PLPP7: variants seen among roughly 807,000 people sequenced by gnomAD.
PLPP7 encodes inactive phospholipid phosphatase 7.
PLPP7 carries 11 observed loss-of-function variants against 16.9 expected under a neutral mutation model. The observed-to-expected ratio is 0.65, with a 90% CI of 0.41 to 1.08. PLPP7 has a LOEUF of 1.08. Ranked by LOEUF, PLPP7 falls within the 50% of genes least tolerant of loss-of-function variation. The pLI, the probability that PLPP7 is intolerant of heterozygous loss-of-function variation, is 0.00. For missense variants in PLPP7, 358 were observed against 397.1 expected (o/e 0.90, Z 0.84); for synonymous variants, 174 against 175.1 (o/e 0.99, Z 0.05).
In PLPP7 at chr9:131,295,915, T is replaced by A. The variant is rs983736005; in HGVS notation, c.451+5467T>A. 2.0e-5 allele frequency among the ~76,000 whole-genome samples: 3 copies of A among 152,236 alleles called. No homozygotes were observed. Among genetic ancestry groups the A allele is most frequent in the African/African-American group, 7.2e-5 (3 of 41,460 alleles). ...TATCCATTCGTGCACCCATGGACACTTCGGTTGCTTCCACATTTTAGCTGT... is the reference window on the plus strand; with the variant it reads ...TATCCATTCGTGCACCCATGGACACATCGGTTGCTTCCACATTTTAGCTGT... On this transcript the variant is annotated intron_variant, in intron 1 of 1. Coordinates refer to ENST00000372264, the MANE Select transcript of PLPP7 (RefSeq NM_032728.4). This position sits in a 1 kb window ranked among gnomAD's most constrained non-coding sequence, Gnocchi z 4.0.
At chr9:131,291,956 G>C (rs190484633) in intron 1 of PLPP7, among the ~76,000 whole-genome samples, 1 of 152,218 alleles carries the variant, frequency 6.6e-6, no homozygotes, top group Non-Finnish European at 1.5e-5. Context: ...ACAGTCTCAC[G>C]AGGTTGGTGC....
intron 1 of PLPP7, among the ~76,000 whole-genome samples, chr9:131,306,793 G>A (rs2131221512): frequency 6.6e-6 from 1 of 152,276 alleles, no homozygotes; most frequent in South Asian, 2.1e-4. Context: ...GGGAGTGGCT[G>A]CTTCGTGGGT....
intron 1 of PLPP7, among the ~76,000 whole-genome samples, chr9:131,293,858 G>C (rs1664593491): frequency 6.6e-6 from 1 of 152,104 alleles, no homozygotes; most frequent in African/African-American, 2.4e-5. Flanking sequence ...AAGGGGGAGG[G>C]AGCCCTACCT....
chr9:131,308,487 G>A lies in PLPP7; in HGVS notation c.*200G>A. On this transcript the variant is annotated 3_prime_UTR_variant, in exon 2 of 2. Coordinates refer to ENST00000372264, the MANE Select transcript of PLPP7 (RefSeq NM_032728.4). ...AGACAAGCGTGTTTGGCAGTGCCAGGCCTCTTGCCCCTTTGCTTGGACTCC... is the reference window on the plus strand; with the variant it reads ...AGACAAGCGTGTTTGGCAGTGCCAGACCTCTTGCCCCTTTGCTTGGACTCC... The A allele has an allele frequency of 1.1e-6, 1 of 877,658 alleles. No individual in the cohort carries two copies. 54.4% of individuals were successfully genotyped at this position (877,658 alleles called of 1,614,324 possible).
In PLPP7 at chr9:131,289,880, G is replaced by A. The variant is rs950511739; in HGVS notation, c.-118G>A. Reference sequence around the variant, plus strand: ...ACTCTCCACACTATATTTAACAGCTGCGGCGGAGAAGGCAGGGAGGCAGCC... The same window carrying A: ...ACTCTCCACACTATATTTAACAGCTACGGCGGAGAAGGCAGGGAGGCAGCC... On this transcript the variant is annotated 5_prime_UTR_variant, in exon 1 of 2. Transcript: ENST00000372264. 2.1e-5 allele frequency: 16 copies of A among 760,562 alleles called. No individual in the cohort carries two copies. Among genetic ancestry groups the A allele is most frequent in the Admixed American group, 3.9e-5 (1 of 25,476 alleles). 47.1% of individuals were successfully genotyped at this position (760,562 alleles called of 1,614,324 possible). A position where few individuals can be genotyped will look rare whatever the true frequency, so the allele number is the denominator to read the frequency against.
Position 131,308,328 on chromosome 9 carries a change from G to T in PLPP7, c.*41G>T, listed in dbSNP as rs1564250077. 6.5e-7 allele frequency: 1 copy of T among 1,541,128 alleles called. No individual in the cohort carries two copies. The highest frequency in any genetic ancestry group is 8.7e-7 in the Non-Finnish European group (1 of 1,149,046). Reference sequence around the variant, plus strand: ...ACACAAGCCTCTGGGGGCAGGGCTGGCCCTAGAGAAGGGGCAGGGGGTGGC... The same window carrying T: ...ACACAAGCCTCTGGGGGCAGGGCTGTCCCTAGAGAAGGGGCAGGGGGTGGC... On this transcript the variant is annotated 3_prime_UTR_variant, in exon 2 of 2. Coordinates refer to ENST00000372264, the MANE Select transcript of PLPP7 (RefSeq NM_032728.4).
chr9:131,300,990 A>G (rs996107018), intron 1 of PLPP7, among the ~76,000 whole-genome samples: 1 of 151,948 alleles, frequency 6.6e-6, no homozygotes, highest in African/African-American at 2.4e-5. Context: ...TTATTTTGAG[A>G]CAGAGTCCCG....
In PLPP7 at chr9:131,308,510, T is replaced by C; in HGVS notation, c.*223T>C. The C allele has an allele frequency of 1.4e-6, 1 of 731,094 alleles. No homozygotes were observed. The highest frequency in any genetic ancestry group is 2.2e-6 in the Non-Finnish European group (1 of 462,646). 45.3% of individuals were successfully genotyped at this position (731,094 alleles called of 1,614,324 possible). A position where few individuals can be genotyped will look rare whatever the true frequency, so the allele number is the denominator to read the frequency against. On this transcript the variant is annotated 3_prime_UTR_variant, in exon 2 of 2. Transcript: ENST00000372264. Reference sequence around the variant, plus strand: ...AGGCCTCTTGCCCCTTTGCTTGGACTCCAAGTCTCCTCTCTAGGCAGCCAG... The same window carrying C: ...AGGCCTCTTGCCCCTTTGCTTGGACCCCAAGTCTCCTCTCTAGGCAGCCAG...
chr9:131,303,488 C>CT (rs5900928), intron 1 of PLPP7, among the ~76,000 whole-genome samples: 96,247 of 143,888 alleles, frequency 0.67, 32,406 homozygotes, highest in Middle Eastern at 0.78. Context: ...TCTTCTGTGT[C>CT]TTTTTTTTTT....
At chr9:131,304,676 C>T (rs1274483153) in intron 1 of PLPP7, among the ~76,000 whole-genome samples, 7 of 152,272 alleles carry the variant, frequency 4.6e-5, no homozygotes, top group Admixed American at 3.3e-4. Flanking sequence ...GAGCCCACCT[C>T]GCTGGTTATG....
chr9:131,301,920 G>GA lies in PLPP7; in HGVS notation c.452-6002dup, dbSNP rs1835802752. On this transcript the variant is annotated intron_variant, in intron 1 of 1. Coordinates refer to ENST00000372264, the MANE Select transcript of PLPP7 (RefSeq NM_032728.4). ...CAACCTCCGCCTCCCGGGTTCAAGT[G>GA]ATTCTCCTGCCTCAGCCTCCCAAGT... Among the ~76,000 whole-genome samples, 3 of 150,190 alleles carry GA rather than the reference G, an allele frequency of 2.0e-5. No homozygotes were observed. In the South Asian group the frequency reaches 6.3e-4, roughly 31 times the overall value.
Position 131,290,299 on chromosome 9 carries a change from G to A in PLPP7, c.302G>A (p.Gly101Asp). 6.2e-7 allele frequency: 1 copy of A among 1,612,012 alleles called. No homozygotes were observed. Among genetic ancestry groups the A allele is most frequent in the Non-Finnish European group, 8.5e-7 (1 of 1,179,182 alleles). The change falls in exon 1 of 2, where the codon GGC becomes GAC. Residue 101 changes from glycine (G) to aspartate (D), a missense_variant. Coordinates refer to ENST00000372264, the MANE Select transcript of PLPP7 (RefSeq NM_032728.4). The surrounding 1 kb of genome is among the most constrained non-coding windows in gnomAD (Gnocchi z 4.2). Reference protein sequence around the residue: ...CMSKRLGVCAGRAASWASARS... With the variant: ...CMSKRLGVCADRAASWASARS... ...TCCAAGCGGCTGGGGGTGTGCGCTG[G>A]CCGGGCGGCGTCCTGGGCCAGTGCC...
chr9:131,307,931 C>A lies in PLPP7; in HGVS notation c.460C>A (p.Leu154Met). 1 of 1,587,546 alleles carries A rather than the reference C, an allele frequency of 6.3e-7. No homozygotes were observed. The highest frequency in any genetic ancestry group is 8.5e-7 in the Non-Finnish European group (1 of 1,172,208). ...VLMNLLLALL[L>M]DIMTVAGVQK... The stretch of plus-strand genomic sequence containing the variant: ...CTGTCTCCCCCCAACAGCCCTGCTC[C>A]TGGACATCATGACGGTGGCCGGCGT... Residue 154 changes from leucine to methionine, a missense_variant, in exon 2 of 2, where the codon CTG becomes ATG. Physicochemically the swap from Leu to Met is conservative, Grantham distance 15 (BLOSUM62 2). Transcript: ENST00000372264.
intron 1 of PLPP7, among the ~76,000 whole-genome samples, chr9:131,294,178 G>A (rs573944943): frequency 6.6e-6 from 1 of 152,216 alleles, no homozygotes; most frequent in East Asian, 1.9e-4. Context: ...TTAGCAGCAG[G>A]CAAAAGTTTG....
chr9:131,303,771 G>A (rs148385764), intron 1 of PLPP7, among the ~76,000 whole-genome samples: 7 of 152,334 alleles, frequency 4.6e-5, no homozygotes, highest in African/African-American at 1.7e-4. Flanking sequence ...CCTGCCTGCA[G>A]GCATGGTGCC....
chr9:131,307,070 C>A (rs971622584), intron 1 of PLPP7, among the ~76,000 whole-genome samples: 2 of 151,500 alleles, frequency 1.3e-5, no homozygotes, highest in South Asian at 2.1e-4. Flanking sequence ...CATGGCAAAA[C>A]CCCATCTCTA....
In PLPP7 at chr9:131,308,057, C is replaced by T. The variant is rs773433264; in HGVS notation, c.586C>T (p.Arg196Cys). ...CGCCTTCCCGGCCGGGCACGCCAGC[C>T]GCGCCGCCATGGTGTCCAAGTTCTT... is the stretch of plus-strand genomic sequence containing the variant. Reference protein sequence around the residue: ...IYAFPAGHASRAAMVSKFFLS... With the variant: ...IYAFPAGHASCAAMVSKFFLS... The change falls in exon 2 of 2, where the codon CGC (arginine) becomes TGC (cysteine). Residue 196 changes from arginine (R) to cysteine (C), a missense_variant. Physicochemically the swap from Arg to Cys is radical, Grantham distance 180 (BLOSUM62 -3). Transcript: ENST00000372264. 222 of 1,601,088 alleles carry T rather than the reference C, an allele frequency of 1.4e-4. No homozygotes were observed. The highest frequency in any genetic ancestry group is 1.8e-4 in the Non-Finnish European group (212 of 1,179,856).
chr9:131,301,013 G>A (rs1014715649), intron 1 of PLPP7, among the ~76,000 whole-genome samples: 2 of 152,124 alleles, frequency 1.3e-5, no homozygotes, highest in Non-Finnish European at 2.9e-5. Flanking sequence ...CTGTCACCCA[G>A]GTTGGAATGC....
At chr9:131,293,957 T>C (rs142758039) in intron 1 of PLPP7, among the ~76,000 whole-genome samples, 6 of 152,274 alleles carry the variant, frequency 3.9e-5, no homozygotes, top group African/African-American at 1.2e-4. Context: ...GAGCTTGCAG[T>C]TGGGACCTGG....
Sources: gnomAD v4.1 joint callset for allele counts (sites outside exome capture counted in the v4.1 genomes callset) on GRCh38, gnomAD v4.1.1 for gene constraint, Gnocchi (gnomAD v3.1) non-coding constraint, MANE v1.5 for transcripts, NCBI Gene and HGNC (gene_info 2026-07-23, HGNC 2026-07-21) for gene names.